The following TBCK variants were observed in gnomAD, a reference collection of about 807,000 sequenced individuals.
The protein encoded by TBCK is TBC1 domain containing kinase.
Under a neutral mutation model 113.4 loss-of-function variants are expected in TBCK, and 99 were observed. That is an observed-to-expected ratio of 0.87 (90% CI 0.74 to 1.03). TBCK has a LOEUF of 1.03. Ranked by LOEUF, TBCK falls within the 50% of genes least tolerant of loss-of-function variation. The probability of loss-of-function intolerance (pLI) is 0.00; values close to 1 mark genes in which losing one functional copy is unlikely to be tolerated. For synonymous variants in TBCK, 369 were observed against 370.8 expected (o/e 1.00, Z 0.05); for missense variants, 1,045 against 1,061.3 (o/e 0.98, Z 0.21).
At chr4:106,272,640 T>A (rs185901636) in intron 3 of TBCK, among the ~76,000 whole-genome samples, 16 of 151,868 alleles carry the variant, frequency 1.1e-4, no homozygotes, top group Non-Finnish European at 1.8e-4. Flanking sequence ...TACAGGCGCA[T>A]GCCACCACAC....
chr4:106,122,758 G>A (rs1744607031), intron 23 of TBCK, among the ~76,000 whole-genome samples: 1 of 151,996 alleles, frequency 6.6e-6, no homozygotes, highest in Non-Finnish European at 1.5e-5. Context: ...CATATAAACA[G>A]AGCCAAAGAC....
intron 25 of TBCK, among the ~76,000 whole-genome samples, chr4:106,059,830 T>A (rs899292150): frequency 6.6e-5 from 10 of 151,790 alleles, no homozygotes; most frequent in African/African-American, 2.4e-4. Flanking sequence ...AGCCAAGTTG[T>A]GAATGCAAAG....
At chr4:106,147,010 T>G (rs1296607824) in intron 23 of TBCK, among the ~76,000 whole-genome samples, 4 of 152,206 alleles carry the variant, frequency 2.6e-5, no homozygotes, top group Non-Finnish European at 5.9e-5. Flanking sequence ...CTTTTTTTGC[T>G]CATTCTTAAG....
intron 19 of TBCK, among the ~76,000 whole-genome samples, chr4:106,220,393 T>C (rs1757539591): frequency 6.6e-6 from 1 of 152,176 alleles, no homozygotes. Flanking sequence ...GAAATGTAAG[T>C]CCAATTAAAC....
At chr4:106,248,736 G>A (rs1761104844) in intron 8 of TBCK, among the ~76,000 whole-genome samples, 185 bp downstream of exon 8, 1 of 152,202 alleles carries the variant, frequency 6.6e-6, no homozygotes, top group South Asian at 2.1e-4. Context: ...TGCCTTGTAA[G>A]GACAGTGTTT....
intron 25 of TBCK, among the ~76,000 whole-genome samples, chr4:106,065,593 A>G (rs1736548362): frequency 6.6e-6 from 1 of 152,020 alleles, no homozygotes; most frequent in African/African-American, 2.4e-5. Flanking sequence ...AAGGATTAGC[A>G]CAAAAACGGG....
intron 25 of TBCK, 84 bp downstream of exon 25, chr4:106,095,398 G>T: frequency 7.7e-7 from 1 of 1,305,308 alleles, no homozygotes; most frequent in Admixed American, 2.3e-5. Flanking sequence ...AACTCCTGAA[G>T]AAATATACTT....
chr4:106,203,719 C>CTAT (rs1224504566), intron 20 of TBCK, among the ~76,000 whole-genome samples: 1 of 151,880 alleles, frequency 6.6e-6, no homozygotes, highest in Admixed American at 6.6e-5. Flanking sequence ...GAAAGATGAG[C>CTAT]TATTATTCCA....
At chr4:106,047,062 T>C (rs1396490529) in intron 25 of TBCK, among the ~76,000 whole-genome samples, 23 of 152,186 alleles carry the variant, frequency 1.5e-4, no homozygotes, top group Admixed American at 1.5e-3. Flanking sequence ...ATTCTTCCAG[T>C]AATAGTCAAA....
intron 3 of TBCK, among the ~76,000 whole-genome samples, chr4:106,266,835 A>C (rs1763038711): frequency 6.6e-6 from 1 of 151,932 alleles, no homozygotes; most frequent in African/African-American, 2.4e-5. Flanking sequence ...TAGCTTTTTA[A>C]GTTATATTCT....
At chr4:106,070,018 T>C (rs1737182295) in intron 25 of TBCK, among the ~76,000 whole-genome samples, 1 of 152,168 alleles carries the variant, frequency 6.6e-6, no homozygotes, top group Non-Finnish European at 1.5e-5. Context: ...TGAAGTTGCT[T>C]ATCAGCTTAA....
intron 23 of TBCK, among the ~76,000 whole-genome samples, chr4:106,126,452 T>C (rs1745219425): frequency 6.6e-6 from 1 of 152,122 alleles, no homozygotes; most frequent in Non-Finnish European, 1.5e-5. Context: ...TGAGTAACAT[T>C]GTGCTATGAG....
In TBCK at chr4:106,116,371, T is replaced by A. The variant is rs1401366220; in HGVS notation, c.2243A>T (p.Glu748Val). 2 of 1,595,922 alleles carry A rather than the reference T, an allele frequency of 1.3e-6. No individual in the cohort carries two copies. The highest frequency in any genetic ancestry group is 1.7e-6 in the Non-Finnish European group (2 of 1,174,742). The change falls in exon 24 of 26, where the codon GAA becomes GTA. Residue 748 changes from glutamate to valine, a missense_variant. Glu to Val is a moderately radical substitution (Grantham distance 121). Coordinates refer to ENST00000394708, the MANE Select transcript of TBCK (RefSeq NM_001163435.3). ...PDPPKTDLSR[E>V]SIPLNDLKSE... ...CTTCAGGTCATTTAATGGGATGGAT[T>A]CTCTTGACTGAAAAAAAAAATGTAC... is the stretch of plus-strand genomic sequence containing the variant.
chr4:106,261,021 T>C (rs752328936), intron 4 of TBCK, among the ~76,000 whole-genome samples: 2 of 152,018 alleles, frequency 1.3e-5, no homozygotes, highest in Non-Finnish European at 2.9e-5. Flanking sequence ...ACTTTTTATA[T>C]TGTTTGAGAA....
At chr4:106,220,037 C>T (rs1012864712) in intron 19 of TBCK, among the ~76,000 whole-genome samples, 1 of 151,868 alleles carries the variant, frequency 6.6e-6, no homozygotes, top group Admixed American at 6.6e-5. Context: ...ATTGACAGTC[C>T]ATCAGTACAA....
In TBCK at chr4:106,044,366, C is replaced by T. The variant is rs187863862; in HGVS notation, c.*2204G>A. On this transcript the variant is annotated 3_prime_UTR_variant, in exon 26 of 26. Coordinates refer to ENST00000394708, the MANE Select transcript of TBCK (RefSeq NM_001163435.3). ...TTTCTCTGAAGAGGGTAGACAATGG[C>T]CCAAAAACAATGTTAGTGAAATCTT... is the stretch of plus-strand genomic sequence containing the variant. 1.3e-5 allele frequency: 2 copies of T among 152,192 alleles called. No individual in the cohort carries two copies. The highest frequency in any genetic ancestry group is 3.9e-4 in the East Asian group (2 of 5,176). 9.4% of individuals were successfully genotyped at this position (152,192 alleles called of 1,614,324 possible).
chr4:106,303,531 A>G (rs1305273032), intron 2 of TBCK, among the ~76,000 whole-genome samples: 2 of 152,126 alleles, frequency 1.3e-5, no homozygotes, highest in African/African-American at 4.8e-5. Flanking sequence ...TTAGATGTTT[A>G]CTATAGACTA....
chr4:106,217,495 T>A (rs973113201), intron 19 of TBCK, among the ~76,000 whole-genome samples: 16 of 152,056 alleles, frequency 1.1e-4, no homozygotes, highest in East Asian at 1.9e-4. Context: ...AAATCTCCTT[T>A]AGCTGATAAG....
intron 21 of TBCK, among the ~76,000 whole-genome samples, chr4:106,194,383 A>C (rs916890627): frequency 3.9e-5 from 6 of 152,120 alleles, no homozygotes; most frequent in Non-Finnish European, 8.8e-5. Flanking sequence ...AATAAAAGTT[A>C]CTGAAGAATC....
Sources: allele counts gnomAD v4.1 joint callset (sites outside exome capture counted in the v4.1 genomes callset), GRCh38; gene constraint gnomAD v4.1.1; transcripts MANE v1.5; gene names NCBI Gene and HGNC (gene_info 2026-07-23, HGNC 2026-07-21).